The following PLXNB1 variants were observed in gnomAD, a reference collection of about 807,000 sequenced individuals.
PLXNB1 encodes the protein plexin B1, also known as plexin-B1.
Under a neutral mutation model 209.4 loss-of-function variants are expected in PLXNB1, and 106 were observed. The ratio of observed to expected loss-of-function variants is 0.51; its 90% CI spans 0.43 to 0.59. PLXNB1 has a LOEUF of 0.59. PLXNB1 is among the 20% of genes least tolerant of loss of function. The probability of loss-of-function intolerance (pLI) is 0.00; values close to 1 mark genes in which losing one functional copy is unlikely to be tolerated. For synonymous variants in PLXNB1, 1,167 were observed against 1,183.2 expected, an observed-to-expected ratio of 0.99 and a Z score of 0.28; for missense variants, 2,357 against 2,853.2, an observed-to-expected ratio of 0.83 and a Z score of 3.96.
rs759040898 is a variant in PLXNB1, at chr3:48,405,718, G to T, written c.6303+6C>A. 180 of 1,611,500 alleles carry T rather than the reference G, an allele frequency of 1.1e-4. No individual in the cohort carries two copies. Among genetic ancestry groups the T allele is most frequent in the Non-Finnish European group, 8.2e-5 (97 of 1,178,378 alleles). On this transcript the variant is annotated splice_donor_region_variant and intron_variant, in intron 37 of 37. Coordinates refer to ENST00000296440, the MANE Select transcript of PLXNB1 (RefSeq NM_001130082.3). This position sits in a 1 kb window ranked among gnomAD's most constrained non-coding sequence, Gnocchi z 5.0. ...GCCTCCCAGTCGGGGTCCAGGGCCT[G>T]CCCACCTGGTCATAGTACTTGTTGA...
chr3:48,423,426 C>T, intron 3 of PLXNB1, 79 bp downstream of exon 3: 1 of 1,508,986 alleles, frequency 6.6e-7, no homozygotes, highest in South Asian at 1.2e-5. Flanking sequence ...CCCTCGGACT[C>T]TCTGGGCAGC....
chr3:48,404,133 G>A lies in PLXNB1; in HGVS notation c.*353C>T, dbSNP rs2037170768. On this transcript the variant is annotated 3_prime_UTR_variant, in exon 38 of 38. Coordinates refer to ENST00000296440, the MANE Select transcript of PLXNB1 (RefSeq NM_001130082.3). ...CATGGGGCTCTCCTCCTTCCTCTCC[G>A]AATCCCAGTGTGGCCAAGGCCAGTG... The A allele has an allele frequency of 9.1e-6, 2 of 219,644 alleles. No individual in the cohort carries two copies. The highest frequency in any genetic ancestry group is 1.0e-4 in the East Asian group (1 of 9,684). The allele number at this position is 219,644 out of a possible 1,614,324, so 13.6% of individuals were successfully genotyped here. A position where few individuals can be genotyped will look rare whatever the true frequency, so the allele number is the denominator to read the frequency against.
chr3:48,407,345 G>A (rs2037376618), intron 34 of PLXNB1, among the ~76,000 whole-genome samples: 1 of 152,022 alleles, frequency 6.6e-6, no homozygotes, highest in African/African-American at 2.4e-5. Flanking sequence ...TCATTTCTCA[G>A]CTCCACATGC....
At position 48,419,718 on chromosome 3, in the gene PLXNB1, C is replaced by A; in HGVS notation, c.2568G>T (p.Thr856=). The part of the protein sequence containing the change: ...GGELPEADEW[T]GGDAPAFSTS... The stretch of plus-strand genomic sequence containing the variant: ...TGGAGAAGGCGGGTGCGTCACCCCC[C>A]GTCCACTCGTCCGCCTCGGGCAGCT... The change falls in exon 11 of 38, where the codon ACG becomes ACT. Residue 856 remains threonine, a synonymous_variant. Transcript: ENST00000296440. This position sits in a 1 kb window ranked among gnomAD's most constrained non-coding sequence, Gnocchi z 5.7. 2.5e-6 allele frequency: 4 copies of A among 1,611,526 alleles called. No individual in the cohort carries two copies. The highest frequency in any genetic ancestry group is 3.4e-6 in the Non-Finnish European group (4 of 1,179,612).
chr3:48,430,302 CACTT>C (rs1171814146), upstream of PLXNB1, among the ~76,000 whole-genome samples: 4 of 152,236 alleles, frequency 2.6e-5, no homozygotes, highest in Admixed American at 6.5e-5. Flanking sequence ...AGCAAGGGCT[CACTT>C]CCTTCCTTTC....
Position 48,415,829 on chromosome 3 carries a change from G to A in PLXNB1, c.3618-70C>T. ...AACTTGGACCACTCAGGCCCCAACT[G>A]GCTTCCCTCAAGCGCTGACTGCAGT... On this transcript the variant is annotated intron_variant, in intron 18 of 37. Transcript: ENST00000296440. The surrounding 1 kb of genome is among the most constrained non-coding windows in gnomAD (Gnocchi z 5.0). The A allele has an allele frequency of 6.9e-7, 1 of 1,451,630 alleles. No homozygotes were observed. Among genetic ancestry groups the A allele is most frequent in the Non-Finnish European group, 9.3e-7 (1 of 1,075,620 alleles). The allele number at this position is 1,451,630 out of a possible 1,614,324, so 89.9% of individuals were successfully genotyped here. A position where few individuals can be genotyped will look rare whatever the true frequency, so the allele number is the denominator to read the frequency against.
At position 48,412,466 on chromosome 3, in the gene PLXNB1, T is replaced by C; in HGVS notation, c.5009A>G (p.Lys1670Arg). The C allele has an allele frequency of 7.4e-6, 12 of 1,613,638 alleles. No individual in the cohort carries two copies. Among genetic ancestry groups the C allele is most frequent in the Non-Finnish European group, 1.0e-5 (12 of 1,180,042 alleles). The stretch of plus-strand genomic sequence containing the variant: ...CCTGCGCAGCATCAGCTTGGGGTTC[T>C]TGGCCACATACTGGGCAACCAGGTC... ...LSDLVAQYVA[K>R]NPKLMLRRTE... The change falls in exon 26 of 38, where the codon AAG (lysine) becomes AGG (arginine). Residue 1670 changes from lysine to arginine, a missense_variant. Lys to Arg is a conservative substitution (Grantham distance 26, BLOSUM62 2). Transcript: ENST00000296440.
chr3:48,424,402 G>C lies in PLXNB1; in HGVS notation c.210C>G (p.Thr70=). Residue 70 remains threonine, a synonymous_variant, in exon 3 of 38, where the codon ACC becomes ACG. Coordinates refer to ENST00000296440, the MANE Select transcript of PLXNB1 (RefSeq NM_001130082.3). ...PGLQLEATVS[T]GPVLDSRDCL... is the part of the protein sequence containing the mutation. The stretch of plus-strand genomic sequence containing the variant: ...AGTCCCTGCTGTCTAGCACAGGGCC[G>C]GTGGACACTGTGGCCTCCAGCTGCA... 6.4e-7 allele frequency: 1 copy of C among 1,562,340 alleles called. No homozygotes were observed. Among genetic ancestry groups the C allele is most frequent in the South Asian group, 1.2e-5 (1 of 85,036 alleles).
In PLXNB1 at chr3:48,405,594, G is replaced by T; in HGVS notation, c.6303+130C>A. 1.5e-6 allele frequency: 1 copy of T among 688,598 alleles called. No individual in the cohort carries two copies. The highest frequency in any genetic ancestry group is 2.5e-6 in the Non-Finnish European group (1 of 407,106). 42.7% of individuals were successfully genotyped at this position (688,598 alleles called of 1,614,324 possible). A position where few individuals can be genotyped will look rare whatever the true frequency, so the allele number is the denominator to read the frequency against. ...GAAAACACTTCTCAAGCCACCAAGG[G>T]GCCCGGCCCCCCACTACTCTGTCCC... On this transcript the variant is annotated intron_variant, in intron 37 of 37. Coordinates refer to ENST00000296440, the MANE Select transcript of PLXNB1 (RefSeq NM_001130082.3). This position sits in a 1 kb window ranked among gnomAD's most constrained non-coding sequence, Gnocchi z 5.0.
rs1285243233 is a variant in PLXNB1, at chr3:48,418,509, C to T, written c.2989G>A (p.Val997Met). The T allele has an allele frequency of 6.2e-7, 1 of 1,609,964 alleles. No individual in the cohort carries two copies. The highest frequency in any genetic ancestry group is 1.3e-5 in the African/African-American group (1 of 74,768). Residue 997 changes from valine (V) to methionine (M), a missense_variant, in exon 14 of 38, where the codon GTG becomes ATG. Around this residue, in one of 7 missense-constraint regions of PLXNB1, gnomAD observed 410 missense variants for 401.0 expected, o/e 1.02. Coordinates refer to ENST00000296440, the MANE Select transcript of PLXNB1 (RefSeq NM_001130082.3). This position sits in a 1 kb window ranked among gnomAD's most constrained non-coding sequence, Gnocchi z 6.6. ...CCGGCCCGACGCAGAAACAGCCCCACACGGAGCTCCGGCTGCAGAGCCTCA... is the reference window on the plus strand; with the variant it reads ...CCGGCCCGACGCAGAAACAGCCCCATACGGAGCTCCGGCTGCAGAGCCTCA... Reference protein sequence around the residue: ...SYEALQPELRVGLFLRRAGRL... With the variant: ...SYEALQPELRMGLFLRRAGRL...
chr3:48,415,416 T>TCCCGGCTAGGTCAGCTCAGC lies in PLXNB1; in HGVS notation c.3795-89_3795-70dup, dbSNP rs2038018080. 32 of 1,534,220 alleles carry TCCCGGCTAGGTCAGCTCAGC rather than the reference T, an allele frequency of 2.1e-5. No individual in the cohort carries two copies. In the South Asian group the frequency reaches 3.5e-4, roughly 17 times the overall value. The stretch of plus-strand genomic sequence containing the variant: ...TACCTGGACCTAAAGCACAGCCCAG[T>TCCCGGCTAGGTCAGCTCAGC]CCCGGCTAGGTCAGCTCAGCCCCAG... On this transcript the variant is annotated intron_variant, in intron 19 of 37. Transcript: ENST00000296440. This position sits in a 1 kb window ranked among gnomAD's most constrained non-coding sequence, Gnocchi z 5.0.
At chr3:48,426,864 C>T (rs945975317) in intron 1 of PLXNB1, among the ~76,000 whole-genome samples, 1 of 152,162 alleles carries the variant, frequency 6.6e-6, no homozygotes, top group African/African-American at 2.4e-5. Flanking sequence ...CCAAGAGCCC[C>T]CCACCTAGTT....
Position 48,411,785 on chromosome 3 carries a change from G to C in PLXNB1, c.5247+78C>G. ...GTACCACATCAGAAGCTGGTGTCCAGACCCCACACACCCACACACTCTCCA... is the reference window on the plus strand; with the variant it reads ...GTACCACATCAGAAGCTGGTGTCCACACCCCACACACCCACACACTCTCCA... On this transcript the variant is annotated intron_variant, in intron 28 of 37. Transcript: ENST00000296440. This position sits in a 1 kb window ranked among gnomAD's most constrained non-coding sequence, Gnocchi z 4.0. 1 of 1,512,124 alleles carries C rather than the reference G, an allele frequency of 6.6e-7. No homozygotes were observed. The highest frequency in any genetic ancestry group is 9.0e-7 in the Non-Finnish European group (1 of 1,107,062). 93.7% of individuals were successfully genotyped at this position (1,512,124 alleles called of 1,614,324 possible).
Position 48,419,999 on chromosome 3 carries a change from T to A in PLXNB1, c.2287A>T (p.Ser763Cys), listed in dbSNP as rs1489894509. The change falls in exon 11 of 38, where the codon AGC becomes TGC. Residue 763 changes from serine (S) to cysteine (C), a missense_variant. Ser to Cys is a moderately radical substitution (Grantham distance 112). Around this residue, in one of 7 missense-constraint regions of PLXNB1, gnomAD observed 410 missense variants for 401.0 expected, o/e 1.02. Transcript: ENST00000296440. The surrounding 1 kb of genome is among the most constrained non-coding windows in gnomAD (Gnocchi z 5.7). Reference sequence around the variant, plus strand: ...GCGGTTCCAGGTCCATTTTGGGGGCTGGGAGGGGAGGGCTCCTCATGGAGA... The same window carrying A: ...GCGGTTCCAGGTCCATTTTGGGGGCAGGGAGGGGAGGGCTCCTCATGGAGA... ...SPLHEEPSPP[S>C]PQNGPGTAVP... The A allele has an allele frequency of 1.3e-6, 2 of 1,575,520 alleles. No homozygotes were observed. The highest frequency in any genetic ancestry group is 8.6e-7 in the Non-Finnish European group (1 of 1,157,996).
At chr3:48,426,468 C>G (rs546016738) in intron 1 of PLXNB1, among the ~76,000 whole-genome samples, 1 of 152,360 alleles carries the variant, frequency 6.6e-6, no homozygotes, top group South Asian at 2.1e-4. Context: ...AGCTGCCAAG[C>G]TGTCTGTGCA....
At position 48,423,594 on chromosome 3, in the gene PLXNB1, A is replaced by T; in HGVS notation, c.1018T>A (p.Cys340Ser). Reference protein sequence around the residue: ...DRLANRTRDACYTREGRAEDG... With the variant: ...DRLANRTRDASYTREGRAEDG... ...TCAGCACGACCCTCCCGGGTGTAGC[A>T]GGCATCTCGCGTGCGATTAGCAAGC... The change falls in exon 3 of 38, where the codon TGC becomes AGC. Residue 340 changes from cysteine to serine, a missense_variant. Transcript: ENST00000296440. 6.2e-7 allele frequency: 1 copy of T among 1,614,204 alleles called. No individual in the cohort carries two copies. Among genetic ancestry groups the T allele is most frequent in the Non-Finnish European group, 8.5e-7 (1 of 1,180,032 alleles).
Position 48,410,615 on chromosome 3 carries a change from A to G in PLXNB1, c.5417-57T>C, listed in dbSNP as rs2037617616. 3.5e-6 allele frequency: 5 copies of G among 1,422,156 alleles called. No homozygotes were observed. The highest frequency in any genetic ancestry group is 5.0e-6 in the Non-Finnish European group (5 of 1,009,806). The allele number at this position is 1,422,156 out of a possible 1,614,324, so 88.1% of individuals were successfully genotyped here. ...CTGGAAGATACCCTTCCCATAGTGG[A>G]GCCCATCTCCTCCTCCACAGGGACA... On this transcript the variant is annotated intron_variant, in intron 29 of 37. Transcript: ENST00000296440. This position sits in a 1 kb window ranked among gnomAD's most constrained non-coding sequence, Gnocchi z 6.4.
In PLXNB1 at chr3:48,425,829, CACACACAG is replaced by C. The variant is rs1225075513; in HGVS notation, c.-59-504_-59-497del. 4.0e-5 allele frequency among the ~76,000 whole-genome samples: 6 copies of C among 149,130 alleles called. No homozygotes were observed. The East Asian group carries it at 5.8e-4, about 14-fold the overall frequency. ...CAACACACACACACACACACACACA[CACACACAG>C]AGAGAGAGAGATGCAGATGCCATCT... On this transcript the variant is annotated intron_variant, in intron 1 of 37. Coordinates refer to ENST00000296440, the MANE Select transcript of PLXNB1 (RefSeq NM_001130082.3).
Position 48,404,487 on chromosome 3 carries a change from T to C in PLXNB1, c.6407A>G (p.Ter2136TrpextTer27). 6.2e-7 allele frequency: 1 copy of C among 1,608,148 alleles called. No individual in the cohort carries two copies. The highest frequency in any genetic ancestry group is 8.5e-7 in the Non-Finnish European group (1 of 1,174,914). ...CAGCAGGCCGTGGCTCCTGGGTTCC[T>C]ATAGATCTGTGACCTTGTTTTCCAC... ...AAVENKVTDL[*>W] Residue 2136 changes from the stop codon to tryptophan (W), a stop_lost, in exon 38 of 38, where the codon TAG becomes TGG. Transcript: ENST00000296440.
Sources: allele counts gnomAD v4.1 joint callset (sites outside exome capture counted in the v4.1 genomes callset), GRCh38; gene constraint gnomAD v4.1.1; regional missense constraint gnomAD v4.1.1; non-coding constraint Gnocchi (gnomAD v3.1); transcripts MANE v1.5; gene names NCBI Gene and HGNC (gene_info 2026-07-23, HGNC 2026-07-21).